Variants in ADRA1A observed in about 807,000 individuals in gnomAD.
The protein encoded by ADRA1A is alpha-1A adrenergic receptor.
In ADRA1A, 31 loss-of-function variants were observed where a neutral mutation model predicts 29.6. That is an observed-to-expected ratio of 1.05 (90% confidence interval 0.79 to 1.41). The LOEUF (loss-of-function observed/expected upper bound fraction) is 1.41. Among genes scored for constraint, ADRA1A ranks in the 40% most tolerant of loss-of-function variants. The probability of loss-of-function intolerance (pLI) is 0.00; values close to 1 mark genes in which losing one functional copy is unlikely to be tolerated. For missense variants in ADRA1A, 619 were observed against 601.1 expected, an observed-to-expected ratio of 1.03 and a Z score of -0.31; for synonymous variants, 311 against 254.3, an observed-to-expected ratio of 1.22 and a Z score of -2.12.
At chr8:26,759,286 G>T (rs60508256) in intron 2 of ADRA1A, among the ~76,000 whole-genome samples, 1 of 152,158 alleles carries the variant, frequency 6.6e-6, no homozygotes, top group Non-Finnish European at 1.5e-5. Context: ...AGAGGAAGAC[G>T]GGGCCAGATA....
At chr8:26,792,865 A>G (rs1021303747) in intron 2 of ADRA1A, among the ~76,000 whole-genome samples, 2 of 150,922 alleles carry the variant, frequency 1.3e-5, no homozygotes, top group Non-Finnish European at 3.0e-5. Flanking sequence ...AAGTATGAAC[A>G]TGTTCAAATA....
At chr8:26,856,948 T>A (rs1464000181) in intron 2 of ADRA1A, among the ~76,000 whole-genome samples, 5 of 152,224 alleles carry the variant, frequency 3.3e-5, no homozygotes, top group Non-Finnish European at 7.3e-5. Context: ...TTTGGCACAC[T>A]TGTGAGGTCG....
rs1383483855 is a variant in ADRA1A, at chr8:26,815,991, C to T, written c.884-45325G>A. Among the ~76,000 whole-genome samples the T allele has an allele frequency of 6.6e-6, 1 of 152,098 alleles. No individual in the cohort carries two copies. Among genetic ancestry groups the T allele is most frequent in the Non-Finnish European group, 1.5e-5 (1 of 68,018 alleles). On this transcript the variant is annotated intron_variant, in intron 2 of 2. Coordinates refer to ENST00000380573, the MANE Select transcript of ADRA1A (RefSeq NM_000680.4). This position sits in a 1 kb window ranked among gnomAD's most constrained non-coding sequence, Gnocchi z 4.2. ...TGCTTTATCATGAGCCTTGAAAAGT[C>T]GCTGGTTCCATGGCAGCTGTACCCA...
chr8:26,793,298 T>C (rs1326321286), intron 2 of ADRA1A, among the ~76,000 whole-genome samples: 1 of 151,984 alleles, frequency 6.6e-6, no homozygotes, highest in Non-Finnish European at 1.5e-5. Context: ...GTATCAAGTT[T>C]TCAGTTTAAG....
rs920039256 is a variant in ADRA1A at position 26,860,169 on chromosome 8, G to A, written c.883+3918C>T. On this transcript the variant is annotated intron_variant, in intron 2 of 2. Coordinates refer to ENST00000380573, the MANE Select transcript of ADRA1A (RefSeq NM_000680.4). The surrounding 1 kb of genome is among the most constrained non-coding windows in gnomAD (Gnocchi z 4.7). ...CTCCTCCACACTGCTGACTCCCTGG[G>A]AGAGCAAATCCAAGAGCGGGCTATG... Among the ~76,000 whole-genome samples, 2 of 152,074 alleles carry A rather than the reference G, an allele frequency of 1.3e-5. No individual in the cohort carries two copies. The highest frequency in any genetic ancestry group is 4.8e-5 in the African/African-American group (2 of 41,398).
intron 2 of ADRA1A, among the ~76,000 whole-genome samples, chr8:26,803,919 C>CAT (rs1808776280): frequency 1.0e-5 from 1 of 95,246 alleles, no homozygotes; most frequent in African/African-American, 4.4e-5. Context: ...TGGAAGTTTC[C>CAT]TTTTTTTTTT....
chr8:26,796,925 C>T lies in ADRA1A; in HGVS notation c.884-26259G>A, dbSNP rs1450200580. 1.3e-5 allele frequency among the ~76,000 whole-genome samples: 2 copies of T among 152,030 alleles called. No individual in the cohort carries two copies. Among genetic ancestry groups the T allele is most frequent in the East Asian group, 3.9e-4 (2 of 5,174 alleles). On this transcript the variant is annotated intron_variant, in intron 2 of 2. Coordinates refer to ENST00000380573, the MANE Select transcript of ADRA1A (RefSeq NM_000680.4). The surrounding 1 kb of genome is among the most constrained non-coding windows in gnomAD (Gnocchi z 5.0). ...TGCGCAAATTTTTATAGAGATGAGA[C>T]TGGAATTGAGAGTGAAATGAAGGGA...
intron 2 of ADRA1A, among the ~76,000 whole-genome samples, chr8:26,830,546 A>G (rs923104183): frequency 3.9e-5 from 6 of 152,258 alleles, no homozygotes; most frequent in African/African-American, 1.2e-4. Flanking sequence ...AAAGGGGAAG[A>G]GTTAACAGAG....
downstream of ADRA1A, chr8:26,766,167 A>T (rs753179722): frequency 5.2e-6 from 8 of 1,548,856 alleles, no homozygotes; most frequent in East Asian, 1.8e-4. Flanking sequence ...AACAAAAAAA[A>T]AGTTGGAATA....
chr8:26,767,540 A>G (rs1230470708), downstream of ADRA1A, among the ~76,000 whole-genome samples: 1 of 152,194 alleles, frequency 6.6e-6, no homozygotes, highest in Non-Finnish European at 1.5e-5. Flanking sequence ...GCTGGAGAAG[A>G]GTGTAGCAGA....
chr8:26,779,353 C>A (rs760839223), intron 2 of ADRA1A: 2 of 702,884 alleles, frequency 2.8e-6, no homozygotes, highest in Non-Finnish European at 5.2e-6. Flanking sequence ...ACCTCCAACC[C>A]CAGCACTGCT....
chr8:26,866,930 A>G lies in ADRA1A; in HGVS notation c.-687+6T>C, dbSNP rs1207601958. The G allele has an allele frequency of 3.0e-5, 30 of 985,174 alleles. No individual in the cohort carries two copies. The highest frequency in any genetic ancestry group is 3.5e-5 in the Non-Finnish European group (29 of 829,954). 61.0% of individuals were successfully genotyped at this position (985,174 alleles called of 1,614,324 possible). A position where few individuals can be genotyped will look rare whatever the true frequency, so the allele number is the denominator to read the frequency against. On this transcript the variant is annotated splice_donor_region_variant and intron_variant, in intron 1 of 2. Coordinates refer to ENST00000380573, the MANE Select transcript of ADRA1A (RefSeq NM_000680.4). This position sits in a 1 kb window ranked among gnomAD's most constrained non-coding sequence, Gnocchi z 5.7. ...CCCTGCGGGACGCCGGCCCCGGCGC[A>G]CTCACCTGAAGCGCCGCTGCTGAGC...
At chr8:26,804,490 A>T (rs909072716) in intron 2 of ADRA1A, among the ~76,000 whole-genome samples, 4 of 152,228 alleles carry the variant, frequency 2.6e-5, no homozygotes, top group Non-Finnish European at 5.9e-5. Context: ...AGAGGCCAAG[A>T]AGATTCATAC....
chr8:26,764,121 G>C (rs575791753), downstream of ADRA1A, among the ~76,000 whole-genome samples: 1 of 152,250 alleles, frequency 6.6e-6, no homozygotes, highest in South Asian at 2.1e-4. Flanking sequence ...AGTGCAGGGC[G>C]GGGTGCAGGA....
chr8:26,826,106 C>A (rs1810542376), intron 2 of ADRA1A, among the ~76,000 whole-genome samples: 2 of 152,226 alleles, frequency 1.3e-5, no homozygotes. Flanking sequence ...CAAAGCTCAG[C>A]TCAAAGTGAG....
At chr8:26,768,138 C>T (rs1264664343), downstream of ADRA1A, among the ~76,000 whole-genome samples, 1 of 152,116 alleles carries the variant, frequency 6.6e-6, no homozygotes, top group Non-Finnish European at 1.5e-5. Context: ...TATAACAAAA[C>T]CCAAATCCAC....
At chr8:26,850,030 A>AAAAAAAC (rs1491308268) in intron 2 of ADRA1A, among the ~76,000 whole-genome samples, 4,714 of 146,232 alleles carry the variant, frequency 0.032, 104 homozygotes, top group Middle Eastern at 0.1. Flanking sequence ...AAATGCAAAA[A>AAAAAAAC]CAAAAAACAA....
At chr8:26,839,625 A>G (rs562640556) in intron 2 of ADRA1A, among the ~76,000 whole-genome samples, 4 of 152,294 alleles carry the variant, frequency 2.6e-5, no homozygotes, top group African/African-American at 9.6e-5. Flanking sequence ...ATGTTTCTTG[A>G]ATAAAGTAAA....
intron 2 of ADRA1A, among the ~76,000 whole-genome samples, chr8:26,797,549 T>C (rs1249477767): frequency 2.0e-5 from 3 of 152,140 alleles, no homozygotes; most frequent in East Asian, 1.9e-4. Context: ...TCCTCCAGCG[T>C]TGGCGTCCCA....
Sources: allele counts gnomAD v4.1 joint callset (sites outside exome capture counted in the v4.1 genomes callset), GRCh38; gene constraint gnomAD v4.1.1; non-coding constraint Gnocchi (gnomAD v3.1); transcripts MANE v1.5; gene names NCBI Gene and HGNC (gene_info 2026-07-23, HGNC 2026-07-21).